The following CAMTA1 variants were observed in gnomAD, a reference collection of about 807,000 sequenced individuals.
The protein encoded by CAMTA1 is calmodulin-binding transcription activator 1.
CAMTA1 carries 27 observed loss-of-function variants against 170.9 expected under a neutral mutation model. That is an observed-to-expected ratio of 0.16 (90% CI 0.12 to 0.22). The LOEUF is 0.22. Ranked by LOEUF, CAMTA1 falls within the 10% of genes least tolerant of loss-of-function variation. CAMTA1 has a pLI of 1.00. For missense variants in CAMTA1, 1,619 were observed against 2,217.2 expected, an observed-to-expected ratio of 0.73 and a Z score of 5.42; for synonymous variants, 833 against 891.5, an observed-to-expected ratio of 0.93 and a Z score of 1.17.
chr1:6,883,555 T>C (rs942633561), intron 3 of CAMTA1, among the ~76,000 whole-genome samples: 20 of 151,820 alleles, frequency 1.3e-4, no homozygotes, highest in Non-Finnish European at 1.9e-4. Context: ...GAAGAATCGA[T>C]GTGAGGATTG....
intron 22 of CAMTA1, among the ~76,000 whole-genome samples, chr1:7,761,100 G>A (rs2096971857): frequency 6.6e-6 from 1 of 152,220 alleles, no homozygotes; most frequent in African/African-American, 2.4e-5. Context: ...TTTTTGGGAA[G>A]GGGGAATTGA....
chr1:7,394,204 T>C (rs909938207), intron 5 of CAMTA1, among the ~76,000 whole-genome samples: 2 of 152,230 alleles, frequency 1.3e-5, no homozygotes, highest in African/African-American at 4.8e-5. Context: ...GATGTATATA[T>C]TCAGTAGTAG....
At chr1:6,871,614 AGT>A (rs1468622459) in intron 3 of CAMTA1, 4 of 583,998 alleles carry the variant, frequency 6.8e-6, no homozygotes, top group African/African-American at 1.9e-5. Context: ...AGGTAATGAA[AGT>A]GTGGTTTTGT....
chr1:7,499,890 CATGCTTATGTATATGA>C, intron 6 of CAMTA1, among the ~76,000 whole-genome samples: 1 of 131,372 alleles, frequency 7.6e-6, no homozygotes. Context: ...GCCTGGTGTG[CATGCTTATGTATATGA>C]GTGTGTGTGT....
At chr1:7,579,850 G>A (rs113660131) in intron 6 of CAMTA1, among the ~76,000 whole-genome samples, 75 of 152,268 alleles carry the variant, frequency 4.9e-4, no homozygotes, top group African/African-American at 1.6e-3. Flanking sequence ...GTGAGCCACC[G>A]CGCCCAGCCT....
chr1:7,383,753 T>C (rs543019781), intron 5 of CAMTA1, among the ~76,000 whole-genome samples: 19 of 151,704 alleles, frequency 1.3e-4, no homozygotes, highest in African/African-American at 4.4e-4. Context: ...CTGATGTTGT[T>C]GAAGATGATA....
chr1:7,392,083 T>A (rs1278073494), intron 5 of CAMTA1, among the ~76,000 whole-genome samples: 1 of 152,222 alleles, frequency 6.6e-6, no homozygotes, highest in Non-Finnish European at 1.5e-5. Context: ...ACTACCCAAC[T>A]GTGTTCCAAA....
chr1:7,661,679 C>A, intron 7 of CAMTA1, 47 bp from the exon 8 acceptor site: 1 of 1,611,362 alleles, frequency 6.2e-7, no homozygotes, highest in Non-Finnish European at 8.5e-7. Flanking sequence ...CCCAGGTCCC[C>A]TCTGCACCCA....
At chr1:7,303,537 T>C (rs1675115128) in intron 5 of CAMTA1, among the ~76,000 whole-genome samples, 1 of 152,214 alleles carries the variant, frequency 6.6e-6, no homozygotes, top group South Asian at 2.1e-4. Context: ...GTTATTTTCT[T>C]ACCCTTTTGT....
At chr1:7,393,414 C>A (rs541794680) in intron 5 of CAMTA1, among the ~76,000 whole-genome samples, 1 of 152,212 alleles carries the variant, frequency 6.6e-6, no homozygotes, top group Non-Finnish European at 1.5e-5. Context: ...CACAGGCATG[C>A]ACCACCACAC....
Position 6,843,997 on chromosome 1 carries a change from T to C in CAMTA1, c.234+18787T>C, listed in dbSNP as rs184061377. Reference sequence around the variant, plus strand: ...GAATTATCTATGAGAGTGGAAGATTTGCACACCATAAAGCCCAGCAGTTCT... The same window carrying C: ...GAATTATCTATGAGAGTGGAAGATTCGCACACCATAAAGCCCAGCAGTTCT... On this transcript the variant is annotated intron_variant, in intron 3 of 22. Transcript: ENST00000303635. Among the ~76,000 whole-genome samples, 30 of 152,322 alleles carry C rather than the reference T, an allele frequency of 2.0e-4. 1 individual carries two copies. In the East Asian group the frequency reaches 3.9e-3, roughly 20 times the overall value.
At chr1:6,984,033 GATTA>G (rs2100237976) in intron 3 of CAMTA1, among the ~76,000 whole-genome samples, 3 of 3,702 alleles carry the variant, frequency 8.1e-4, no homozygotes, top group East Asian at 8.1e-3. Flanking sequence ...CAGATGGATG[GATTA>G]ATGAATGGAT....
intron 4 of CAMTA1, among the ~76,000 whole-genome samples, chr1:7,150,598 G>A (rs1224948147): frequency 6.6e-6 from 1 of 152,060 alleles, no homozygotes; most frequent in East Asian, 1.9e-4. Flanking sequence ...CGACAACCAA[G>A]TGTGTCTCCA....
chr1:7,275,787 C>T (rs925455578), intron 5 of CAMTA1, among the ~76,000 whole-genome samples: 2 of 151,942 alleles, frequency 1.3e-5, no homozygotes, highest in South Asian at 2.1e-4. Flanking sequence ...CAAAAAGAAA[C>T]CTCCTTCATG....
At chr1:7,051,236 A>G (rs1706300455) in intron 3 of CAMTA1, among the ~76,000 whole-genome samples, 1 of 152,154 alleles carries the variant, frequency 6.6e-6, no homozygotes, top group Non-Finnish European at 1.5e-5. Flanking sequence ...GAGGCAGGCA[A>G]TTTCTGAGTT....
chr1:6,922,016 A>G (rs1390509784), intron 3 of CAMTA1, among the ~76,000 whole-genome samples: 1 of 152,252 alleles, frequency 6.6e-6, no homozygotes, highest in East Asian at 1.9e-4. Context: ...ATCATTTCAT[A>G]AAATGAAATA....
chr1:7,549,011 T>G, intron 6 of CAMTA1, among the ~76,000 whole-genome samples: 1 of 127,112 alleles, frequency 7.9e-6, no homozygotes, highest in Non-Finnish European at 1.7e-5. Flanking sequence ...TGGTGGAGGG[T>G]GCCCCCTTAG....
chr1:7,131,303 C>T (rs1038271316), intron 4 of CAMTA1, among the ~76,000 whole-genome samples: 20 of 152,164 alleles, frequency 1.3e-4, no homozygotes, highest in African/African-American at 3.9e-4. Context: ...TTTTAAATTT[C>T]GGTGAAGTAA....
chr1:7,069,472 C>T (rs972353704), intron 3 of CAMTA1, among the ~76,000 whole-genome samples: 3 of 152,124 alleles, frequency 2.0e-5, no homozygotes, highest in Non-Finnish European at 4.4e-5. Flanking sequence ...CACGGGGCAA[C>T]GGGGCAATCA....
Sources: allele counts gnomAD v4.1 joint callset (sites outside exome capture counted in the v4.1 genomes callset), GRCh38; gene constraint gnomAD v4.1.1; transcripts MANE v1.5; gene names NCBI Gene and HGNC (gene_info 2026-07-23, HGNC 2026-07-21).